The following SVOPL variants were observed in gnomAD, a reference collection of about 807,000 sequenced individuals.
SVOPL encodes SVOP like.
A neutral mutation model predicts 61.0 loss-of-function variants in SVOPL; 60 were observed. That is an observed-to-expected ratio of 0.98 (90% CI 0.80 to 1.22). The LOEUF is 1.22. Among genes scored for constraint, SVOPL ranks in the 50% most tolerant of loss-of-function variants. The pLI is 0.00. For missense variants in SVOPL, 662 were observed against 643.9 expected (o/e 1.03, Z -0.30); for synonymous variants, 279 against 250.0 (o/e 1.12, Z -1.09).
chr7:138,597,025 T>C (rs1798307560), intron 14 of SVOPL: 4 of 1,156,766 alleles, frequency 3.5e-6, no homozygotes, highest in Non-Finnish European at 3.2e-6. Context: ...TGTCTCCGGT[T>C]ATGGAGTTGT....
intron 9 of SVOPL, among the ~76,000 whole-genome samples, chr7:138,636,958 A>G (rs764861297): frequency 1.3e-5 from 2 of 152,168 alleles, no homozygotes; most frequent in Non-Finnish European, 2.9e-5. Context: ...ATAAAATACT[A>G]TAATTAAAAC....
intron 9 of SVOPL, among the ~76,000 whole-genome samples, chr7:138,636,662 A>AGT (rs1362035558): frequency 6.6e-6 from 1 of 151,632 alleles, no homozygotes; most frequent in Non-Finnish European, 1.5e-5. Context: ...GTAAAGACAG[A>AGT]GTTTCATCAT....
intron 9 of SVOPL, among the ~76,000 whole-genome samples, chr7:138,633,125 C>T (rs1800293926): frequency 6.6e-6 from 1 of 152,108 alleles, no homozygotes; most frequent in Non-Finnish European, 1.5e-5. Context: ...TGAGCTGACG[C>T]TGTTATAGTA....
chr7:138,632,910 T>C (rs1223360065), intron 9 of SVOPL, among the ~76,000 whole-genome samples: 2 of 152,212 alleles, frequency 1.3e-5, no homozygotes, highest in African/African-American at 4.8e-5. Context: ...TTATCTCTGT[T>C]AAGACTTTTT....
intron 9 of SVOPL, among the ~76,000 whole-genome samples, chr7:138,639,037 G>T (rs1321608257): frequency 6.6e-6 from 1 of 152,128 alleles, no homozygotes; most frequent in Non-Finnish European, 1.5e-5. Context: ...TGGATCACCT[G>T]AGGTCAGGAG....
intron 9 of SVOPL, among the ~76,000 whole-genome samples, chr7:138,631,960 T>TCAGACACACACACACA (rs1800216085): frequency 6.8e-6 from 1 of 146,966 alleles, no homozygotes; most frequent in Non-Finnish European, 1.5e-5. Flanking sequence ...TGCTCTGATA[T>TCAGACACACACACACA]CACACACACA....
chr7:138,604,981 TGA>T (rs1475207345), intron 14 of SVOPL, among the ~76,000 whole-genome samples: 1 of 151,242 alleles, frequency 6.6e-6, no homozygotes, highest in Non-Finnish European at 1.5e-5. Context: ...TTTGGGAGGC[TGA>T]GATGGGAGGG....
chr7:138,663,151 A>G lies in SVOPL; in HGVS notation c.274-6T>C, dbSNP rs1239080764. The G allele has an allele frequency of 6.2e-7, 1 of 1,612,948 alleles. No individual in the cohort carries two copies. The highest frequency in any genetic ancestry group is 1.3e-5 in the African/African-American group (1 of 74,914). On this transcript the variant is annotated splice_polypyrimidine_tract_variant and splice_region_variant and intron_variant, in intron 4 of 15. Transcript: ENST00000674285. ...ATGTAGCCAAAAAACACCATCTGCA[A>G]GTGGGAGCGAGATAAAACGGTTCTC... is the stretch of plus-strand genomic sequence containing the variant.
At chr7:138,613,266 C>T (rs1458540566) in intron 14 of SVOPL, among the ~76,000 whole-genome samples, 4 of 150,846 alleles carry the variant, frequency 2.7e-5, no homozygotes, top group African/African-American at 7.3e-5. Context: ...GTGATCCACC[C>T]GCCTCGGCCT....
intron 9 of SVOPL, among the ~76,000 whole-genome samples, chr7:138,633,709 A>G (rs536336007): frequency 2.5e-4 from 38 of 152,128 alleles, no homozygotes; most frequent in African/African-American, 9.2e-4. Flanking sequence ...CCACAGAAGA[A>G]AGTGAGAATA....
In SVOPL at chr7:138,630,138, G is replaced by T. The variant is rs369318842; in HGVS notation, c.790-16C>A. 4 of 1,600,976 alleles carry T rather than the reference G, an allele frequency of 2.5e-6. No homozygotes were observed. Among genetic ancestry groups the T allele is most frequent in the Non-Finnish European group, 3.4e-6 (4 of 1,168,146 alleles). ...CTCTTTTTTCCTGGGGTAATGAAAA[G>T]GAGACAGAACATACTCAGCAGCTTA... On this transcript the variant is annotated splice_polypyrimidine_tract_variant and intron_variant, in intron 9 of 15. Coordinates refer to ENST00000674285, the MANE Select transcript of SVOPL (RefSeq NM_001139456.2).
intron 1 of SVOPL, among the ~76,000 whole-genome samples, chr7:138,691,448 T>A (rs1319056367): frequency 6.6e-6 from 1 of 152,206 alleles, no homozygotes; most frequent in African/African-American, 2.4e-5. Context: ...ACTAAAACAA[T>A]TTCCATCAAG....
chr7:138,627,116 G>A (rs542723236), intron 12 of SVOPL, among the ~76,000 whole-genome samples: 1 of 152,148 alleles, frequency 6.6e-6, no homozygotes, highest in Non-Finnish European at 1.5e-5. Flanking sequence ...GGTAAAGTGA[G>A]TACACCATCA....
At chr7:138,606,253 C>T (rs907054127) in intron 14 of SVOPL, among the ~76,000 whole-genome samples, 3 of 152,090 alleles carry the variant, frequency 2.0e-5, no homozygotes, top group East Asian at 1.9e-4. Flanking sequence ...TCTTGTCTCA[C>T]GACCAAGAAA....
At chr7:138,654,841 C>G (rs1197870824) in intron 7 of SVOPL, among the ~76,000 whole-genome samples, 1 of 150,446 alleles carries the variant, frequency 6.6e-6, no homozygotes, top group Non-Finnish European at 1.5e-5. Context: ...CATAGTGAGA[C>G]CACATTTTCA....
intron 4 of SVOPL, among the ~76,000 whole-genome samples, chr7:138,664,598 C>G (rs1024143575): frequency 1.3e-5 from 2 of 149,478 alleles, no homozygotes; most frequent in African/African-American, 4.9e-5. Context: ...CCATCGGGCA[C>G]GCCCCTGACC....
At chr7:138,628,065 G>C in intron 11 of SVOPL, 93 bp downstream of exon 11, 1 of 1,396,716 alleles carries the variant, frequency 7.2e-7, no homozygotes, top group South Asian at 1.2e-5. Context: ...CTAGGCAGGA[G>C]CGGTGTCACA....
chr7:138,637,467 TAG>T (rs1265630351), intron 9 of SVOPL, among the ~76,000 whole-genome samples: 5,547 of 30,424 alleles, frequency 0.18, 151 homozygotes, highest in Admixed American at 0.21. Context: ...TATATATATA[TAG>T]ATATAGATAT....
At chr7:138,611,884 T>G (rs1221413422) in intron 14 of SVOPL, among the ~76,000 whole-genome samples, 27 of 71,740 alleles carry the variant, frequency 3.8e-4, no homozygotes, top group South Asian at 1.2e-3. Context: ...CGCCACCCCG[T>G]CTGGGAGGTG....
Sources: allele counts gnomAD v4.1 joint callset (sites outside exome capture counted in the v4.1 genomes callset), GRCh38; gene constraint gnomAD v4.1.1; transcripts MANE v1.5; gene names NCBI Gene and HGNC (gene_info 2026-07-23, HGNC 2026-07-21).